The following SCHIP1 variants were observed in gnomAD, a reference collection of about 807,000 sequenced individuals.
SCHIP1 encodes schwannomin interacting protein 1.
SCHIP1 carries 8 observed loss-of-function variants against 29.7 expected under a neutral mutation model. The observed-to-expected ratio is 0.27, with a 90% CI of 0.16 to 0.49. The LOEUF (loss-of-function observed/expected upper bound fraction) is 0.49. Ranked by LOEUF, SCHIP1 falls within the 20% of genes least tolerant of loss-of-function variation. The probability of loss-of-function intolerance (pLI) is 0.99; values close to 1 mark genes in which losing one functional copy is unlikely to be tolerated. For missense variants in SCHIP1, 193 were observed against 294.6 expected, an observed-to-expected ratio of 0.66 and a Z score of 2.52; for synonymous variants, 76 against 94.9, an observed-to-expected ratio of 0.80 and a Z score of 1.16.
At chr3:159,351,911 A>C in the SCHIP1 span, among the ~76,000 whole-genome samples, 2 of 152,312 alleles carry the variant, frequency 1.3e-5, no homozygotes, top group South Asian at 2.1e-4. Context: ...ATCCCTACCA[A>C]TGTGGAAAAT....
chr3:159,395,464 T>G, the SCHIP1 span, among the ~76,000 whole-genome samples: 1 of 151,886 alleles, frequency 6.6e-6, no homozygotes, highest in Admixed American at 6.6e-5. Flanking sequence ...TTTAGTGCTA[T>G]AAATTTCCCT....
the SCHIP1 span, among the ~76,000 whole-genome samples, chr3:159,483,882 A>G: frequency 6.6e-6 from 1 of 152,312 alleles, no homozygotes; most frequent in Non-Finnish European, 1.5e-5. Context: ...CAGCAAACCC[A>G]CATGATGATG....
chr3:159,615,455 T>C, the SCHIP1 span, among the ~76,000 whole-genome samples: 2 of 152,116 alleles, frequency 1.3e-5, no homozygotes, highest in South Asian at 2.1e-4. Context: ...TTCGTTAGAG[T>C]GAAAGACGTT....
At chr3:159,484,877 G>A in the SCHIP1 span, among the ~76,000 whole-genome samples, 4 of 152,160 alleles carry the variant, frequency 2.6e-5, no homozygotes, top group African/African-American at 4.8e-5. Flanking sequence ...TCCAAGCTGG[G>A]TTATTAAGAA....
At chr3:159,494,798 C>CA in the SCHIP1 span, among the ~76,000 whole-genome samples, 13 of 150,234 alleles carry the variant, frequency 8.7e-5, no homozygotes, top group East Asian at 3.9e-4. Context: ...AGAGACACAA[C>CA]AAAAAAAAAG....
At chr3:159,375,454 A>G in the SCHIP1 span, among the ~76,000 whole-genome samples, 4 of 152,222 alleles carry the variant, frequency 2.6e-5, no homozygotes, top group Non-Finnish European at 5.9e-5. Context: ...ATAGTTTGAT[A>G]TAATGGCTGG....
rs759654994 is a variant in SCHIP1 at position 159,853,363 on chromosome 3, T to C, written c.31-12800T>C. On this transcript the variant is annotated intron_variant, in intron 1 of 6. Coordinates refer to ENST00000445224, the Ensembl canonical transcript of SCHIP1. ...ATGGGAGGTTATTTCTTAAGTGAAA[T>C]TCTAAAGAGTTAAAGGATGAATTTG... is the stretch of plus-strand genomic sequence containing the variant. 1.2e-5 allele frequency: 8 copies of C among 685,938 alleles called. 1 individual carries two copies. The highest frequency in any genetic ancestry group is 9.3e-5 in the South Asian group (6 of 64,324). The allele number at this position is 685,938 out of a possible 1,614,324, so 42.5% of individuals were successfully genotyped here. A position where few individuals can be genotyped will look rare whatever the true frequency, so the allele number is the denominator to read the frequency against.
At chr3:159,412,058 C>T in the SCHIP1 span, among the ~76,000 whole-genome samples, 1 of 152,158 alleles carries the variant, frequency 6.6e-6, no homozygotes, top group African/African-American at 2.4e-5. Flanking sequence ...AACTGCTTTG[C>T]ATATATTGTC....
chr3:159,851,409 C>T (rs780949582), intron 1 of SCHIP1, among the ~76,000 whole-genome samples: 1 of 152,212 alleles, frequency 6.6e-6, no homozygotes, highest in Non-Finnish European at 1.5e-5. Context: ...TATTCATCTT[C>T]CTTAACCTCA....
At chr3:159,512,951 A>C in the SCHIP1 span, among the ~76,000 whole-genome samples, 1 of 152,182 alleles carries the variant, frequency 6.6e-6, no homozygotes, top group African/African-American at 2.4e-5. Flanking sequence ...TGTGATGCTT[A>C]TCTTTCTGTG....
the SCHIP1 span, among the ~76,000 whole-genome samples, chr3:159,318,991 C>G: frequency 1.3e-5 from 2 of 152,154 alleles, no homozygotes; most frequent in Non-Finnish European, 2.9e-5. Context: ...TCCTAGAGGC[C>G]TCTGCTGTGA....
At chr3:159,672,506 G>A in the SCHIP1 span, among the ~76,000 whole-genome samples, 1 of 152,206 alleles carries the variant, frequency 6.6e-6, no homozygotes, top group East Asian at 1.9e-4. Context: ...ACTCTACAAT[G>A]AGTAATGATT....
chr3:159,325,846 C>T, the SCHIP1 span, among the ~76,000 whole-genome samples: 5 of 152,028 alleles, frequency 3.3e-5, no homozygotes, highest in East Asian at 5.8e-4. Flanking sequence ...AAAGAACTAT[C>T]ATCCTCCTAA....
the SCHIP1 span, among the ~76,000 whole-genome samples, chr3:159,814,423 G>GCT: frequency 1.3e-5 from 2 of 152,216 alleles, no homozygotes; most frequent in African/African-American, 2.4e-5. Flanking sequence ...TGCACCCAGT[G>GCT]CTCTATAAGG....
At chr3:159,736,765 C>T in the SCHIP1 span, among the ~76,000 whole-genome samples, 10,949 of 149,204 alleles carry the variant, frequency 0.073, 1,323 homozygotes, top group African/African-American at 0.25. Context: ...GACGGAGTCT[C>T]GCTCTGTCGC....
At chr3:159,288,669 C>T in the SCHIP1 span, among the ~76,000 whole-genome samples, 2 of 152,178 alleles carry the variant, frequency 1.3e-5, no homozygotes, top group Non-Finnish European at 2.9e-5. Flanking sequence ...ACTTTGGAGG[C>T]AGAGGTTGCA....
the SCHIP1 span, among the ~76,000 whole-genome samples, chr3:159,784,622 C>T: frequency 6.6e-6 from 1 of 152,198 alleles, no homozygotes; most frequent in Non-Finnish European, 1.5e-5. Context: ...CCTTGTGCTG[C>T]TTTAGTTATC....
the SCHIP1 span, among the ~76,000 whole-genome samples, chr3:159,633,925 C>T: frequency 4.5e-4 from 68 of 152,090 alleles, no homozygotes; most frequent in East Asian, 8.5e-3. Context: ...CATGGACCTA[C>T]GCATAACAGT....
the SCHIP1 span, among the ~76,000 whole-genome samples, chr3:159,336,526 T>G: frequency 6.6e-6 from 1 of 152,182 alleles, no homozygotes; most frequent in African/African-American, 2.4e-5. Context: ...TTGTATAAGG[T>G]GTAAGGAAGG....
Sources: allele counts gnomAD v4.1 joint callset (sites outside exome capture counted in the v4.1 genomes callset), GRCh38; gene constraint gnomAD v4.1.1; transcripts MANE v1.5; gene names NCBI Gene and HGNC (gene_info 2026-07-23, HGNC 2026-07-21).